The following LOC128462377 variants were observed in gnomAD, a reference collection of about 807,000 sequenced individuals.
the LOC128462377 span, among the ~76,000 whole-genome samples, chr16:89,382,105 G>A: frequency 7.2e-5 from 11 of 152,196 alleles, no homozygotes; most frequent in Non-Finnish European, 1.0e-4. Context: ...GAACGGGCGA[G>A]GGGGACGCGG....
chr16:89,359,877 T>C, the LOC128462377 span, among the ~76,000 whole-genome samples: 1 of 152,200 alleles, frequency 6.6e-6, no homozygotes, highest in East Asian at 1.9e-4. Flanking sequence ...GATGCCAAAA[T>C]CAGCATCACA....
chr16:89,350,856 A>G, the LOC128462377 span, among the ~76,000 whole-genome samples: 15 of 152,262 alleles, frequency 9.9e-5, no homozygotes, highest in Admixed American at 6.5e-4. Flanking sequence ...ATGCTAATGG[A>G]GTGGAACGGG....
At chr16:89,321,702 GAAAA>G in the LOC128462377 span, among the ~76,000 whole-genome samples, 2 of 144,832 alleles carry the variant, frequency 1.4e-5, no homozygotes, top group African/African-American at 5.0e-5. Flanking sequence ...AAAACTCACA[GAAAA>G]AAAAAAAGAC....
At chr16:89,396,617 C>G in the LOC128462377 span, among the ~76,000 whole-genome samples, 1 of 152,094 alleles carries the variant, frequency 6.6e-6, no homozygotes, top group African/African-American at 2.4e-5. Flanking sequence ...ACCCTGCTGT[C>G]TTCTATGAAG....
chr16:89,323,440 AGCCGAGGGCAGGGGGGCAG>A, the LOC128462377 span: 1 of 510,770 alleles, frequency 2.0e-6, no homozygotes, highest in Non-Finnish European at 3.0e-6. Context: ...AGGGGGGCTG[AGCCGAGGGCAGGGGGGCAG>A]AGCCGAGGGC....
chr16:89,327,593 T>C, the LOC128462377 span, among the ~76,000 whole-genome samples: 1 of 152,088 alleles, frequency 6.6e-6, no homozygotes, highest in Non-Finnish European at 1.5e-5. Context: ...AAACAAGAAA[T>C]AAAGACAGTA....
the LOC128462377 span, among the ~76,000 whole-genome samples, chr16:89,363,594 T>C: frequency 2.0e-5 from 3 of 152,206 alleles, no homozygotes; most frequent in Non-Finnish European, 4.4e-5. Context: ...ACCAAAACTT[T>C]CTTTGCATTC....
At chr16:89,328,613 G>C in the LOC128462377 span, among the ~76,000 whole-genome samples, 2 of 150,472 alleles carry the variant, frequency 1.3e-5, no homozygotes, top group African/African-American at 4.9e-5. Context: ...AGAGGCCCCT[G>C]CTGAGTGAGT....
At chr16:89,392,894 T>C in the LOC128462377 span, among the ~76,000 whole-genome samples, 36 of 151,862 alleles carry the variant, frequency 2.4e-4, no homozygotes, top group Admixed American at 2.0e-3. Context: ...AGTGAACTTG[T>C]GTCTAATCAC....
the LOC128462377 span, among the ~76,000 whole-genome samples, chr16:89,416,299 C>T: frequency 6.6e-6 from 1 of 151,750 alleles, no homozygotes; most frequent in African/African-American, 2.4e-5. Flanking sequence ...TTGAATCCAT[C>T]GATTTTTTTT....
chr16:89,356,641 C>A, the LOC128462377 span, among the ~76,000 whole-genome samples: 4 of 149,854 alleles, frequency 2.7e-5, no homozygotes, highest in Non-Finnish European at 5.9e-5. Flanking sequence ...ATTAGCCAGG[C>A]GTGGTGGTGG....
At chr16:89,367,218 G>A in the LOC128462377 span, among the ~76,000 whole-genome samples, 2 of 152,214 alleles carry the variant, frequency 1.3e-5, no homozygotes, top group Admixed American at 6.5e-5. Context: ...AAACACAACA[G>A]TCCACTCCAC....
the LOC128462377 span, among the ~76,000 whole-genome samples, chr16:89,344,641 A>C: frequency 6.6e-6 from 1 of 152,234 alleles, no homozygotes; most frequent in Non-Finnish European, 1.5e-5. Flanking sequence ...CCCAGGAAGA[A>C]AGAGGGCCAG....
the LOC128462377 span, chr16:89,320,494 G>A: frequency 2.0e-5 from 3 of 152,238 alleles, no homozygotes; most frequent in Admixed American, 6.5e-5. Flanking sequence ...TAAACGCAGA[G>A]CCGAGGGGCC....
chr16:89,397,689 G>A, the LOC128462377 span, among the ~76,000 whole-genome samples: 2 of 152,262 alleles, frequency 1.3e-5, no homozygotes, highest in South Asian at 4.1e-4. Context: ...TGCTTTTGTG[G>A]ATGCTGACCC....
chr16:89,337,461 C>T, the LOC128462377 span, among the ~76,000 whole-genome samples: 1 of 29,164 alleles, frequency 3.4e-5, no homozygotes, highest in African/African-American at 1.2e-4. Flanking sequence ...TTTTTTGAGA[C>T]AGTCTCCCTC....
At chr16:89,347,305 T>C in the LOC128462377 span, among the ~76,000 whole-genome samples, 1 of 152,158 alleles carries the variant, frequency 6.6e-6, no homozygotes, top group African/African-American at 2.4e-5. Flanking sequence ...CGTGAACATG[T>C]ACACATAAAA....
chr16:89,405,164 A>T, the LOC128462377 span, among the ~76,000 whole-genome samples: 1 of 152,098 alleles, frequency 6.6e-6, no homozygotes. Context: ...ATTGCACTCC[A>T]GCCTGGGCGA....
At chr16:89,416,305 T>C in the LOC128462377 span, among the ~76,000 whole-genome samples, 1 of 152,016 alleles carries the variant, frequency 6.6e-6, no homozygotes, top group Non-Finnish European at 1.5e-5. Context: ...CCATCGATTT[T>C]TTTTTTTCCC....
Sources: allele counts gnomAD v4.1 joint callset (sites outside exome capture counted in the v4.1 genomes callset), GRCh38; gene constraint gnomAD v4.1.1; transcripts MANE v1.5.